Variants in SKOR2 observed in about 807,000 individuals in gnomAD.
SKOR2 encodes LBX1 corepressor 1-like protein.
SKOR2 carries 47 observed loss-of-function variants against 69.1 expected under a neutral mutation model. The observed-to-expected ratio is 0.68, with a 90% confidence interval of 0.54 to 0.87. The LOEUF (loss-of-function observed/expected upper bound fraction) is 0.87. Ranked by LOEUF, SKOR2 falls within the 40% of genes least tolerant of loss-of-function variation. SKOR2 has a pLI of 0.00. For missense variants in SKOR2, 1,404 were observed against 1,472.2 expected (o/e 0.95, Z 0.76); for synonymous variants, 717 against 672.6 (o/e 1.07, Z -1.02).
chr18:47,225,195 A>G (rs1337098265), intron 6 of SKOR2, among the ~76,000 whole-genome samples: 3 of 152,130 alleles, frequency 2.0e-5, no homozygotes, highest in Non-Finnish European at 4.4e-5. Context: ...TGGAAGAGCA[A>G]TTTTTTATAA....
In SKOR2 at chr18:47,248,005, GC is replaced by G; in HGVS notation, c.1178del (p.Gly393AlafsTer103). On this transcript the variant is annotated frameshift_variant, in exon 2 of 9. Transcript: ENST00000425639. LOFTEE classifies it high-confidence loss of function. The surrounding 1 kb of genome is among the most constrained non-coding windows in gnomAD (Gnocchi z 6.4). ...IPVPSKGSFG[G>X]VLQKFPGCGG... The stretch of plus-strand genomic sequence containing the variant: ...CGCAGCCCGGGAACTTCTGCAGGAC[GC>G]CCCCGAACGAGCCCTTGCTGGGCAC... The G allele has an allele frequency of 7.0e-7, 1 of 1,430,192 alleles. No homozygotes were observed. The allele number at this position is 1,430,192 out of a possible 1,614,324, so 88.6% of individuals were successfully genotyped here.
At chr18:47,223,313 A>AT (rs1237976012) in intron 6 of SKOR2, among the ~76,000 whole-genome samples, 1 of 152,226 alleles carries the variant, frequency 6.6e-6, no homozygotes, top group Non-Finnish European at 1.5e-5. Context: ...AATGAAAGAA[A>AT]AGGAAATAAT....
rs1034258175 is a variant in SKOR2, at chr18:47,248,332, C to G, written c.852G>C (p.Ala284=). The change falls in exon 2 of 9, where the codon GCG becomes GCC. Residue 284 remains alanine, a synonymous_variant. Coordinates refer to ENST00000425639, the MANE Select transcript of SKOR2 (RefSeq NM_001278063.4). The surrounding 1 kb of genome is among the most constrained non-coding windows in gnomAD (Gnocchi z 6.4). ...GCGGTGGCGGCGGCGGCGGCGGGGG[C>G]GCACCCAGCAGGTGGGGGCCCAGCA... ...GGLLGPHLLG[A]PPPPPPPPPP... is the part of the protein sequence containing the mutation. 3 of 1,202,348 alleles carry G rather than the reference C, an allele frequency of 2.5e-6. No individual in the cohort carries two copies. The highest frequency in any genetic ancestry group is 2.1e-6 in the Non-Finnish European group (2 of 972,000). 74.5% of individuals were successfully genotyped at this position (1,202,348 alleles called of 1,614,324 possible).
intron 4 of SKOR2, among the ~76,000 whole-genome samples, chr18:47,234,886 G>A (rs537024426): frequency 1.4e-5 from 2 of 141,290 alleles, no homozygotes; most frequent in African/African-American, 5.2e-5. Context: ...GAGAGGGGGT[G>A]GGGGGAAGCA....
chr18:47,245,899 A>G (rs2064270810), intron 2 of SKOR2, among the ~76,000 whole-genome samples: 1 of 152,182 alleles, frequency 6.6e-6, no homozygotes, highest in African/African-American at 2.4e-5. Flanking sequence ...AAAGTCCTCC[A>G]GAGTGTTTTC....
At chr18:47,241,139 C>T (rs1457115032) in intron 4 of SKOR2, among the ~76,000 whole-genome samples, 1 of 152,084 alleles carries the variant, frequency 6.6e-6, no homozygotes, top group African/African-American at 2.4e-5. Context: ...GTATTGATTT[C>T]TATTTCTGAA....
chr18:47,224,019 C>T (rs1257377774), intron 6 of SKOR2, among the ~76,000 whole-genome samples: 1 of 151,876 alleles, frequency 6.6e-6, no homozygotes, highest in Non-Finnish European at 1.5e-5. Flanking sequence ...GATTCTCCTG[C>T]CTCAGCCTCC....
rs746450797 is a variant in SKOR2, at chr18:47,230,974, G to T, written c.2779C>A (p.Pro927Thr). 3 of 1,535,926 alleles carry T rather than the reference G, an allele frequency of 2.0e-6. No homozygotes were observed. In the South Asian group the frequency reaches 3.6e-5, roughly 18 times the overall value. The change falls in exon 5 of 9, where the codon CCT becomes ACT. Residue 927 changes from proline to threonine, a missense_variant. Pro to Thr is a conservative substitution (Grantham distance 38). Around this residue, in one of 3 missense-constraint regions of SKOR2, gnomAD observed 1,266 missense variants for 1,309.9 expected, o/e 0.97. Transcript: ENST00000425639. ...TCTACATCCTTTTTCAGTGAATGAG[G>T]TGAGTTGGTTTCTTGTGTATGTTCA... The part of the protein sequence containing the change: ...SGEHTQETNS[P>T]HSLKKDVENM...
intron 1 of SKOR2, among the ~76,000 whole-genome samples, chr18:47,251,117 T>G (rs975324738): frequency 1.3e-5 from 2 of 151,796 alleles, no homozygotes; most frequent in African/African-American, 2.4e-5. Flanking sequence ...GGGGCATTAT[T>G]TTTTGGGTGG....
intron 8 of SKOR2, among the ~76,000 whole-genome samples, chr18:47,210,629 G>A (rs559885520): frequency 2.6e-5 from 4 of 152,060 alleles, no homozygotes. Context: ...CACACTGCTC[G>A]TGCAAACCTG....
intron 4 of SKOR2, among the ~76,000 whole-genome samples, chr18:47,237,435 C>T (rs774146974): frequency 3.3e-5 from 5 of 152,148 alleles, no homozygotes; most frequent in Non-Finnish European, 7.4e-5. Flanking sequence ...AAGAGCCAAA[C>T]GAATGGTCAG....
chr18:47,212,227 A>T, intron 7 of SKOR2, 76 bp from the exon 8 acceptor site: 3 of 1,191,284 alleles, frequency 2.5e-6, no homozygotes, highest in Non-Finnish European at 2.1e-6. Flanking sequence ...ACCCTTCATC[A>T]TGCCTAACAA....
At chr18:47,231,843 C>CAAAAA (rs11342275) in intron 4 of SKOR2, among the ~76,000 whole-genome samples, 6 of 130,928 alleles carry the variant, frequency 4.6e-5, no homozygotes, top group African/African-American at 1.8e-4. Context: ...AACTCCATCT[C>CAAAAA]AAAAAAAAAA....
chr18:47,219,628 C>G (rs1288096507), intron 7 of SKOR2, among the ~76,000 whole-genome samples: 1 of 152,060 alleles, frequency 6.6e-6, no homozygotes, highest in Non-Finnish European at 1.5e-5. Flanking sequence ...TCACTGAGCT[C>G]GTAGCATAGC....
At chr18:47,244,834 G>T in intron 4 of SKOR2, 74 bp downstream of exon 4, 1 of 1,353,536 alleles carries the variant, frequency 7.4e-7, no homozygotes, top group Non-Finnish European at 1.0e-6. Flanking sequence ...TAAATATTCA[G>T]TCTTTTGATT....
At position 47,212,414 on chromosome 18, in the gene SKOR2, T is replaced by TTAA. The variant is rs1420634980; in HGVS notation, c.2986-264_2986-263insTTA. Reference sequence around the variant, plus strand: ...TGAGGTTAACATGTGATGTTTCACTTTTTAAAGTTTTTAAAAATTTGCATT... The same window carrying TTAA: ...TGAGGTTAACATGTGATGTTTCACTTTAATTTAAAGTTTTTAAAAATTTGCATT... On this transcript the variant is annotated intron_variant, in intron 7 of 8. Transcript: ENST00000425639. 4.3e-4 allele frequency among the ~76,000 whole-genome samples: 65 copies of TTAA among 152,328 alleles called. No homozygotes were observed. In the Middle Eastern group the frequency reaches 0.014, roughly 32 times the overall value.
intron 8 of SKOR2, among the ~76,000 whole-genome samples, chr18:47,211,070 G>A (rs1417057913): frequency 6.6e-6 from 1 of 152,120 alleles, no homozygotes; most frequent in African/African-American, 2.4e-5. Context: ...TAAAGATAAT[G>A]GCAAGAAAAG....
At chr18:47,220,138 A>G (rs1416256399) in intron 6 of SKOR2, 128 bp from the exon 7 acceptor site, 1 of 663,540 alleles carries the variant, frequency 1.5e-6, no homozygotes, top group East Asian at 2.8e-5. Context: ...TTCATAGGCA[A>G]ATTATATGCT....
chr18:47,213,389 A>T (rs2064133879), intron 7 of SKOR2, among the ~76,000 whole-genome samples: 2 of 147,848 alleles, frequency 1.4e-5, no homozygotes, highest in Non-Finnish European at 3.0e-5. Context: ...ATATATATTT[A>T]TATATATCAT....
Sources: allele counts gnomAD v4.1 joint callset (sites outside exome capture counted in the v4.1 genomes callset), GRCh38; gene constraint gnomAD v4.1.1; regional missense constraint gnomAD v4.1.1; non-coding constraint Gnocchi (gnomAD v3.1); transcripts MANE v1.5; gene names NCBI Gene and HGNC (gene_info 2026-07-23, HGNC 2026-07-21).